The following GRIA4 variants were observed in gnomAD, a reference collection of about 807,000 sequenced individuals.
GRIA4 encodes the protein glutamate ionotropic receptor AMPA type subunit 4.
Under a neutral mutation model 104.0 loss-of-function variants are expected in GRIA4, and 34 were observed. That is an observed-to-expected ratio of 0.33 (90% CI 0.25 to 0.44). GRIA4 has a LOEUF of 0.44. Ranked by LOEUF, GRIA4 falls within the 20% of genes least tolerant of loss-of-function variation. GRIA4 has a pLI of 1.00. For missense variants in GRIA4, 750 were observed against 1,096.5 expected, an observed-to-expected ratio of 0.68 and a Z score of 4.46; for synonymous variants, 386 against 381.9, an observed-to-expected ratio of 1.01 and a Z score of -0.13.
rs555111574 is a variant in GRIA4 at position 105,886,030 on chromosome 11, T to C, written c.673-1489T>C. The stretch of plus-strand genomic sequence containing the variant: ...GAACAGAAATTAAAAAGTAAAAATC[T>C]AAACAACTTGTACTGAAACTGGAGA... On this transcript the variant is annotated intron_variant, in intron 5 of 16. Transcript: ENST00000282499. Among the ~76,000 whole-genome samples, 7 of 152,278 alleles carry C rather than the reference T, an allele frequency of 4.6e-5. No homozygotes were observed. In the South Asian group the frequency reaches 1.5e-3, roughly 32 times the overall value.
chr11:105,817,897 A>G (rs1434386789), intron 4 of GRIA4, among the ~76,000 whole-genome samples: 1 of 152,162 alleles, frequency 6.6e-6, no homozygotes, highest in Non-Finnish European at 1.5e-5. Flanking sequence ...AATTAAATCC[A>G]GTGGAAAATA....
intron 14 of GRIA4, among the ~76,000 whole-genome samples, chr11:105,951,520 G>C (rs1411837908): frequency 3.3e-5 from 5 of 152,152 alleles, no homozygotes; most frequent in Non-Finnish European, 4.4e-5. Context: ...AATGGCCTGA[G>C]GCAGGGACTT....
At chr11:105,661,245 T>C (rs1329374993) in intron 3 of GRIA4, among the ~76,000 whole-genome samples, 1 of 151,580 alleles carries the variant, frequency 6.6e-6, no homozygotes, top group South Asian at 2.1e-4. Flanking sequence ...TTTATATCTA[T>C]TACAGTAATA....
Position 105,809,436 on chromosome 11 carries a change from C to A in GRIA4, c.488-52588C>A, listed in dbSNP as rs527605513. Among the ~76,000 whole-genome samples the A allele has an allele frequency of 4.1e-4, 62 of 152,162 alleles. No homozygotes were observed. In the South Asian group the frequency reaches 0.012, roughly 31 times the overall value. ...TGTTAACTAGAATCTCCCTATTGTG[C>A]TACTAATATGGTTTGGCTCTGTGTC... is the stretch of plus-strand genomic sequence containing the variant. On this transcript the variant is annotated intron_variant, in intron 4 of 16. Transcript: ENST00000282499.
chr11:105,850,562 T>C (rs1944770553), intron 4 of GRIA4, among the ~76,000 whole-genome samples: 1 of 152,166 alleles, frequency 6.6e-6, no homozygotes, highest in Non-Finnish European at 1.5e-5. Context: ...CAGTTGATAG[T>C]GTGTCCTGAG....
At position 105,862,039 on chromosome 11, in the gene GRIA4, A is replaced by C. The variant is rs751004023; in HGVS notation, c.503A>C (p.Gln168Pro). 35 of 1,610,120 alleles carry C rather than the reference A, an allele frequency of 2.2e-5. No homozygotes were observed. Among genetic ancestry groups the C allele is most frequent in the Non-Finnish European group, 3.0e-5 (35 of 1,176,890 alleles). ...TCCCCAATAGGATACTCGATACTCC[A>C]AGCTATTATGGAAAAAGCAGGACAA... The part of the protein sequence containing the change: ...YDTDRGYSIL[Q>P]AIMEKAGQNG... The change falls in exon 5 of 17, where the codon CAA becomes CCA. Residue 168 changes from glutamine to proline, a missense_variant. Transcript: ENST00000282499.
At chr11:105,703,536 C>T (rs1041109027) in intron 3 of GRIA4, among the ~76,000 whole-genome samples, 1 of 152,118 alleles carries the variant, frequency 6.6e-6, no homozygotes, top group Non-Finnish European at 1.5e-5. Flanking sequence ...TTTTTAAATA[C>T]ACTCTTATTA....
chr11:105,763,246 G>C (rs1055942870), intron 4 of GRIA4, among the ~76,000 whole-genome samples: 1 of 152,092 alleles, frequency 6.6e-6, no homozygotes, highest in African/African-American at 2.4e-5. Flanking sequence ...AGGTGAAAAA[G>C]TTAATGGAGT....
At chr11:105,709,836 A>T (rs1953848303) in intron 3 of GRIA4, among the ~76,000 whole-genome samples, 1 of 152,142 alleles carries the variant, frequency 6.6e-6, no homozygotes, top group Admixed American at 6.6e-5. Flanking sequence ...AAAAATTGTG[A>T]ATCAACAGAA....
intron 4 of GRIA4, among the ~76,000 whole-genome samples, chr11:105,776,699 G>A (rs991336208): frequency 2.0e-5 from 3 of 152,106 alleles, no homozygotes; most frequent in Non-Finnish European, 4.4e-5. Context: ...TCCATGGTTT[G>A]GAAAGTCCCA....
chr11:105,929,745 C>T (rs1028925698), intron 13 of GRIA4, among the ~76,000 whole-genome samples: 4 of 152,156 alleles, frequency 2.6e-5, no homozygotes, highest in South Asian at 4.1e-4. Context: ...AATAATTCAC[C>T]GGATAGCAAT....
intron 4 of GRIA4, among the ~76,000 whole-genome samples, chr11:105,805,344 G>A (rs1420327530): frequency 6.6e-6 from 1 of 151,450 alleles, no homozygotes; most frequent in African/African-American, 2.4e-5. Context: ...ATCTAGTAAG[G>A]CAACTCACTC....
intron 6 of GRIA4, among the ~76,000 whole-genome samples, chr11:105,897,550 T>A (rs997455113): frequency 6.6e-6 from 1 of 152,172 alleles, no homozygotes; most frequent in African/African-American, 2.4e-5. Flanking sequence ...GGGTTTGTCA[T>A]AGATGGCTCT....
chr11:105,750,267 A>G (rs1305579772), intron 3 of GRIA4, among the ~76,000 whole-genome samples: 1 of 152,146 alleles, frequency 6.6e-6, no homozygotes, highest in East Asian at 1.9e-4. Context: ...TATTTGCCTG[A>G]CAATCTATCC....
At chr11:105,962,953 C>T (rs1948778254) in intron 14 of GRIA4, among the ~76,000 whole-genome samples, 2 of 152,106 alleles carry the variant, frequency 1.3e-5, no homozygotes, top group African/African-American at 2.4e-5. Context: ...TACAGTGACA[C>T]TGATATACTT....
chr11:105,785,404 G>C (rs1941915576), intron 4 of GRIA4, among the ~76,000 whole-genome samples: 1 of 151,966 alleles, frequency 6.6e-6, no homozygotes, highest in African/African-American at 2.4e-5. Context: ...AATAAGCAAG[G>C]CATTACAAAA....
intron 3 of GRIA4, among the ~76,000 whole-genome samples, chr11:105,668,019 A>G (rs1445232253): frequency 6.6e-6 from 1 of 151,436 alleles, no homozygotes. Context: ...CCCCTAGCCC[A>G]TGGCAACCAG....
intron 3 of GRIA4, among the ~76,000 whole-genome samples, chr11:105,685,190 G>T (rs960054331): frequency 2.7e-4 from 40 of 150,532 alleles, no homozygotes; most frequent in Middle Eastern, 3.4e-3. Flanking sequence ...AGAGAGGGAG[G>T]GAGGGAGGAA....
chr11:105,818,018 A>T (rs956136289), intron 4 of GRIA4, among the ~76,000 whole-genome samples: 1 of 152,166 alleles, frequency 6.6e-6, no homozygotes, highest in Non-Finnish European at 1.5e-5. Flanking sequence ...GAAGAAAAAT[A>T]AATGGAAATA....
Sources: allele counts gnomAD v4.1 joint callset (sites outside exome capture counted in the v4.1 genomes callset), GRCh38; gene constraint gnomAD v4.1.1; transcripts MANE v1.5; gene names NCBI Gene and HGNC (gene_info 2026-07-23, HGNC 2026-07-21).